POU2F1: variants seen among roughly 807,000 people sequenced by gnomAD.
POU2F1 encodes the protein POU domain, class 2, transcription factor 1.
POU2F1 carries 16 observed loss-of-function variants against 84.9 expected under a neutral mutation model. The observed-to-expected ratio is 0.19, with a 90% confidence interval of 0.13 to 0.29. The LOEUF (loss-of-function observed/expected upper bound fraction) is 0.29, where lower values mean the gene tolerates loss of function less well. Ranked by LOEUF, POU2F1 falls within the 10% of genes least tolerant of loss-of-function variation. The pLI, the probability that POU2F1 is intolerant of heterozygous loss-of-function variation, is 1.00. For missense variants in POU2F1, 738 were observed against 942.6 expected (o/e 0.78, Z 2.84); for synonymous variants, 368 against 368.3 (o/e 1.00, Z 0.01).
intron 2 of POU2F1, among the ~76,000 whole-genome samples, chr1:167,346,273 C>T (rs1011113070): frequency 6.6e-6 from 1 of 152,104 alleles, no homozygotes; most frequent in Non-Finnish European, 1.5e-5. Flanking sequence ...CTATAGAAAT[C>T]TTGTCATGCA....
At chr1:167,304,958 G>A (rs2102580025) in intron 1 of POU2F1, among the ~76,000 whole-genome samples, 1 of 152,252 alleles carries the variant, frequency 6.6e-6, no homozygotes, top group African/African-American at 2.4e-5. Context: ...ACATCTGACT[G>A]GCCTGGGGGT....
rs16858893 is a variant in POU2F1 at position 167,303,275 on chromosome 1, A to C, written c.62-29195A>C. On this transcript the variant is annotated intron_variant, in intron 1 of 15. Coordinates refer to ENST00000367866, the MANE Select transcript of POU2F1 (RefSeq NM_002697.4). ...TTCTGATTTATCTCCATGGTCCTTT[A>C]GTAAGGGCAGGTACTAGTTATTTCT... Among the ~76,000 whole-genome samples, 7,325 of 152,286 alleles carry C rather than the reference A, an allele frequency of 0.048. 228 individuals are homozygous for C. The highest frequency in any genetic ancestry group is 0.07 in the Non-Finnish European group (4,776 of 68,002).
At chr1:167,269,928 A>AG (rs1652247006) in intron 1 of POU2F1, among the ~76,000 whole-genome samples, 1 of 151,616 alleles carries the variant, frequency 6.6e-6, no homozygotes, top group African/African-American at 2.4e-5. Context: ...AAAAAAAAAA[A>AG]AGAGTAAGAG....
chr1:167,407,548 A>G (rs1291378555), intron 13 of POU2F1, among the ~76,000 whole-genome samples: 1 of 152,230 alleles, frequency 6.6e-6, no homozygotes, highest in Non-Finnish European at 1.5e-5. Flanking sequence ...ATACATATAG[A>G]TATATAGATT....
chr1:167,255,448 GC>G (rs1651059750), intron 1 of POU2F1, among the ~76,000 whole-genome samples: 2 of 152,152 alleles, frequency 1.3e-5, no homozygotes, highest in South Asian at 2.1e-4. Context: ...CAAGTAGTTG[GC>G]ATGATTGAAT....
chr1:167,261,436 G>GATGTGGTCCTCTGC, intron 1 of POU2F1, among the ~76,000 whole-genome samples: 1 of 152,328 alleles, frequency 6.6e-6, no homozygotes, highest in East Asian at 1.9e-4. Context: ...GTAGGTTGGA[G>GATGTGGTCCTCTGC]ATGTGGTCCT....
chr1:167,331,408 T>G (rs1352700244), intron 1 of POU2F1, among the ~76,000 whole-genome samples: 1 of 152,112 alleles, frequency 6.6e-6, no homozygotes, highest in African/African-American at 2.4e-5. Context: ...TGAAAAAATG[T>G]GCTCTTTGGT....
At chr1:167,375,304 CT>C (rs1660249949) in intron 6 of POU2F1, among the ~76,000 whole-genome samples, 1 of 152,118 alleles carries the variant, frequency 6.6e-6, no homozygotes, top group South Asian at 2.1e-4. Flanking sequence ...TTTATACAAT[CT>C]TTATCAAGAT....
At chr1:167,269,398 C>T (rs1415893300) in intron 1 of POU2F1, among the ~76,000 whole-genome samples, 1 of 152,088 alleles carries the variant, frequency 6.6e-6, no homozygotes, top group African/African-American at 2.4e-5. Context: ...TAGAGACCTC[C>T]TTAGTTTACA....
At chr1:167,394,111 C>T (rs1314484644) in intron 9 of POU2F1, among the ~76,000 whole-genome samples, 3 of 151,890 alleles carry the variant, frequency 2.0e-5, no homozygotes, top group Non-Finnish European at 4.4e-5. Flanking sequence ...CTCTGCCTCC[C>T]AGGTTTCAAG....
At chr1:167,224,270 A>G (rs1051909165) in intron 1 of POU2F1, among the ~76,000 whole-genome samples, 1 of 152,218 alleles carries the variant, frequency 6.6e-6, no homozygotes, top group Non-Finnish European at 1.5e-5. Context: ...CCAGACTTTT[A>G]TAAGAAACTG....
At chr1:167,385,054 AG>A (rs1477703128) in intron 8 of POU2F1, among the ~76,000 whole-genome samples, 1 of 152,148 alleles carries the variant, frequency 6.6e-6, no homozygotes, top group East Asian at 1.9e-4. Context: ...ATACACTAGC[AG>A]TGAGCATTTG....
chr1:167,278,497 C>T (rs1189239412), intron 1 of POU2F1, among the ~76,000 whole-genome samples: 5 of 152,058 alleles, frequency 3.3e-5, no homozygotes. Context: ...TGTCATTTGT[C>T]CATAAATTTT....
chr1:167,369,925 T>TG, intron 3 of POU2F1, among the ~76,000 whole-genome samples: 1 of 151,540 alleles, frequency 6.6e-6, no homozygotes, highest in South Asian at 2.1e-4. Context: ...TCATTTAGTG[T>TG]GGGAAAACAT....
At chr1:167,371,454 G>A (rs962033070) in intron 4 of POU2F1, among the ~76,000 whole-genome samples, 2 of 152,304 alleles carry the variant, frequency 1.3e-5, no homozygotes, top group South Asian at 4.1e-4. Context: ...TAGTTGATGG[G>A]AGTTGCTAGA....
rs75114489 is a variant in POU2F1 at position 167,316,179 on chromosome 1, T to C, written c.62-16291T>C. 9.5e-3 allele frequency among the ~76,000 whole-genome samples: 1,445 copies of C among 152,326 alleles called. 11 individuals are homozygous for C. Among genetic ancestry groups the C allele is most frequent in the Non-Finnish European group, 0.014 (965 of 68,030 alleles). On this transcript the variant is annotated intron_variant, in intron 1 of 15. Coordinates refer to ENST00000367866, the MANE Select transcript of POU2F1 (RefSeq NM_002697.4). ...AATGATAGTTACATGAACCTGCACA[T>C]GTGACATTAAAATGACATAGAAGCA...
At chr1:167,223,862 G>C (rs889014332) in intron 1 of POU2F1, among the ~76,000 whole-genome samples, 1 of 152,152 alleles carries the variant, frequency 6.6e-6, no homozygotes, top group African/African-American at 2.4e-5. Flanking sequence ...TTTTGCACCC[G>C]ATTCCCAAGA....
intron 1 of POU2F1, among the ~76,000 whole-genome samples, chr1:167,295,300 TG>T (rs1223563081): frequency 7.2e-5 from 11 of 151,728 alleles, no homozygotes. Flanking sequence ...GACTAATGAG[TG>T]GATAAAGAAA....
At chr1:167,286,743 C>G (rs932271618) in intron 1 of POU2F1, among the ~76,000 whole-genome samples, 4 of 152,148 alleles carry the variant, frequency 2.6e-5, no homozygotes, top group Non-Finnish European at 5.9e-5. Flanking sequence ...GCAAACAATA[C>G]TGTTTTAAAT....
Sources: allele counts gnomAD v4.1 joint callset (sites outside exome capture counted in the v4.1 genomes callset), GRCh38; gene constraint gnomAD v4.1.1; transcripts MANE v1.5; gene names NCBI Gene and HGNC (gene_info 2026-07-23, HGNC 2026-07-21).